Variants in ROCK1 observed in about 807,000 individuals in gnomAD.
ROCK1 encodes the protein rho-associated protein kinase 1.
Under a neutral mutation model 196.8 loss-of-function variants are expected in ROCK1, and 36 were observed. The observed-to-expected ratio is 0.18, with a 90% CI of 0.14 to 0.24. ROCK1 has a LOEUF of 0.24. ROCK1 is among the 10% of genes least tolerant of loss of function. The pLI is 1.00. For missense variants in ROCK1, 920 were observed against 1,562.0 expected (o/e 0.59, Z 6.93); for synonymous variants, 443 against 515.9 (o/e 0.86, Z 1.91).
At chr18:21,078,460 G>C (rs1206187128) in intron 1 of ROCK1, among the ~76,000 whole-genome samples, 2 of 151,828 alleles carry the variant, frequency 1.3e-5, no homozygotes, top group Non-Finnish European at 2.9e-5. Context: ...GAAAAAAAAG[G>C]GTCCTTTGGA....
At chr18:21,076,559 C>CAT (rs2036432970) in intron 1 of ROCK1, among the ~76,000 whole-genome samples, 1 of 151,792 alleles carries the variant, frequency 6.6e-6, no homozygotes, top group African/African-American at 2.4e-5. Context: ...TGTGTGTGTA[C>CAT]ATATATATAC....
intron 2 of ROCK1, among the ~76,000 whole-genome samples, chr18:21,055,822 C>A (rs2036241343): frequency 6.6e-6 from 1 of 152,196 alleles, no homozygotes; most frequent in Admixed American, 6.5e-5. Flanking sequence ...GTGACTAAAT[C>A]TTTCCTACTA....
intron 9 of ROCK1, among the ~76,000 whole-genome samples, chr18:21,031,331 G>A (rs545292280): frequency 3.9e-5 from 6 of 152,250 alleles, no homozygotes; most frequent in South Asian, 2.1e-4. Context: ...ACCACCAGGC[G>A]TGGTGGCTCA....
intron 16 of ROCK1, among the ~76,000 whole-genome samples, chr18:20,998,719 C>T (rs2035695143): frequency 6.6e-6 from 1 of 151,200 alleles, no homozygotes; most frequent in African/African-American, 2.4e-5. Context: ...ATTCTCCTGC[C>T]TCAGCCTCCC....
chr18:20,982,980 C>T (rs2143390965), intron 20 of ROCK1, 148 bp from the exon 21 acceptor site: 1 of 517,440 alleles, frequency 1.9e-6, no homozygotes, highest in Middle Eastern at 3.9e-4. Context: ...CATTATTTTA[C>T]TAATTAACTT....
intron 4 of ROCK1, among the ~76,000 whole-genome samples, chr18:21,047,522 G>T (rs1240131065): frequency 1.3e-5 from 2 of 152,102 alleles, no homozygotes; most frequent in African/African-American, 4.8e-5. Flanking sequence ...GACCGGGCAC[G>T]GTGGCTCACA....
intron 19 of ROCK1, 110 bp downstream of exon 19, chr18:20,986,840 A>G: frequency 1.0e-6 from 1 of 962,684 alleles, no homozygotes; most frequent in Admixed American, 3.0e-5. Flanking sequence ...CATGTCAATT[A>G]TTTCATTCAA....
chr18:20,954,235 G>T (rs1598505008), intron 31 of ROCK1, among the ~76,000 whole-genome samples: 1 of 140,778 alleles, frequency 7.1e-6, no homozygotes, highest in Non-Finnish European at 1.5e-5. Context: ...TTTCTTAGCA[G>T]CATGTTTGTT....
At chr18:21,022,856 A>G (rs2035925567) in intron 11 of ROCK1, among the ~76,000 whole-genome samples, 1 of 152,034 alleles carries the variant, frequency 6.6e-6, no homozygotes, top group East Asian at 1.9e-4. Context: ...GTGTGTGTAT[A>G]TATGTGTGTG....
chr18:21,047,213 T>C (rs1435693503), intron 4 of ROCK1, among the ~76,000 whole-genome samples: 4 of 152,286 alleles, frequency 2.6e-5, no homozygotes, highest in African/African-American at 7.2e-5. Context: ...TCACATATTT[T>C]TTCACTAACA....
intron 16 of ROCK1, among the ~76,000 whole-genome samples, chr18:20,995,399 C>T (rs2035662088): frequency 6.6e-6 from 1 of 152,182 alleles, no homozygotes; most frequent in African/African-American, 2.4e-5. Context: ...ACCATTCGCA[C>T]AGAAAAGCAC....
chr18:21,058,455 G>T (rs1418946868), intron 2 of ROCK1, among the ~76,000 whole-genome samples: 1 of 151,984 alleles, frequency 6.6e-6, no homozygotes, highest in African/African-American at 2.4e-5. Context: ...TGTACTGTTT[G>T]ACCAGAATAC....
At chr18:21,017,364 T>A (rs568081733) in intron 12 of ROCK1, among the ~76,000 whole-genome samples, 1 of 151,750 alleles carries the variant, frequency 6.6e-6, no homozygotes, top group African/African-American at 2.4e-5. Flanking sequence ...GCTAATTTTT[T>A]GTATTTTTAG....
rs1352931905 is a variant in ROCK1 at position 20,949,301 on chromosome 18, G to T, written c.*2083C>A. 6.6e-6 allele frequency: 1 copy of T among 151,666 alleles called. No homozygotes were observed. The highest frequency in any genetic ancestry group is 1.5e-5 in the Non-Finnish European group (1 of 67,882). The allele number at this position is 151,666 out of a possible 1,614,324, so 9.4% of individuals were successfully genotyped here. ...ATTTTATCCTGTTTGCATGCTGCCA[G>T]TCACAGTTTCATGGATCCTGACAAA... On this transcript the variant is annotated 3_prime_UTR_variant, in exon 33 of 33. Transcript: ENST00000399799.
chr18:21,096,663 A>G (rs2036615633), intron 1 of ROCK1, among the ~76,000 whole-genome samples: 1 of 152,224 alleles, frequency 6.6e-6, no homozygotes, highest in Non-Finnish European at 1.5e-5. Context: ...TATTATGTTT[A>G]GCCCACAAGG....
chr18:21,012,015 C>T (rs941551979), intron 13 of ROCK1, among the ~76,000 whole-genome samples: 6 of 152,162 alleles, frequency 3.9e-5, no homozygotes, highest in African/African-American at 1.4e-4. Context: ...GCGCTTGGCT[C>T]ACTCCAACCT....
intron 16 of ROCK1, among the ~76,000 whole-genome samples, chr18:20,993,194 C>G (rs373896711): frequency 2.6e-5 from 4 of 152,150 alleles, no homozygotes. Flanking sequence ...GAAATCAGAT[C>G]CAAGTCCTTA....
chr18:20,969,231 T>C, intron 23 of ROCK1, 23 bp from the exon 24 acceptor site: 1 of 1,444,256 alleles, frequency 6.9e-7, no homozygotes, highest in South Asian at 1.2e-5. Flanking sequence ...CACAAAAGTT[T>C]AAGCTCCAGC....
chr18:20,970,116 T>G, intron 23 of ROCK1: 1 of 351,516 alleles, frequency 2.8e-6, no homozygotes. Flanking sequence ...CAGCCCAATA[T>G]TGCATTGGTT....
Sources: allele counts gnomAD v4.1 joint callset (sites outside exome capture counted in the v4.1 genomes callset), GRCh38; gene constraint gnomAD v4.1.1; transcripts MANE v1.5; gene names NCBI Gene and HGNC (gene_info 2026-07-23, HGNC 2026-07-21).